The following NES variants were observed in gnomAD, a reference collection of about 807,000 sequenced individuals.
NES encodes the protein nestin.
A neutral mutation model predicts 35.6 loss-of-function variants in NES; 27 were observed. The observed-to-expected ratio is 0.76, with a 90% CI of 0.56 to 1.04. NES has a LOEUF of 1.04. NES is among the 50% of genes least tolerant of loss of function. NES has a pLI of 0.00. For synonymous variants in NES, 822 were observed against 824.2 expected (o/e 1.00, Z 0.04); for missense variants, 1,867 against 1,983.6 (o/e 0.94, Z 1.12).
In NES at chr1:156,671,179, T is replaced by G; in HGVS notation, c.3009A>C (p.Thr1003=). 1 of 1,614,130 alleles carries G rather than the reference T, an allele frequency of 6.2e-7. No individual in the cohort carries two copies. The highest frequency in any genetic ancestry group is 8.5e-7 in the Non-Finnish European group (1 of 1,180,044). Residue 1003 remains threonine, a synonymous_variant, in exon 4 of 4, where the codon ACA becomes ACC. Transcript: ENST00000368223. ...CCTCGCCTGGGATCCAGACCTCCTC[T>G]GTGGCATTCAGCTCTCCCTGCTCTA... ...EVVEQGELNA[T]EEVWIPGEGH... is the part of the protein sequence containing the mutation.
chr1:156,673,128 T>C lies in NES; in HGVS notation c.1060A>G (p.Thr354Ala), dbSNP rs1402515647. 5 of 1,573,738 alleles carry C rather than the reference T, an allele frequency of 3.2e-6. No individual in the cohort carries two copies. In the South Asian group the frequency reaches 4.7e-5, roughly 15 times the overall value. ...LGSLLPVLSPTSLPSPLPATL... is the reference protein window; with the variant it reads ...LGSLLPVLSPASLPSPLPATL... ...GCAGGCAAGGGTGAGGGGAGGGAAGTTGGGCTCAGGACTGGGAGCAAAGAT... is the reference window on the plus strand; with the variant it reads ...GCAGGCAAGGGTGAGGGGAGGGAAGCTGGGCTCAGGACTGGGAGCAAAGAT... Residue 354 changes from threonine to alanine, a missense_variant, in exon 4 of 4, where the codon ACT (threonine) becomes GCT (alanine). Thr to Ala is a moderately conservative substitution (Grantham distance 58). Transcript: ENST00000368223.
rs761458668 is a variant in NES at position 156,670,068 on chromosome 1, T to C, written c.4120A>G (p.Thr1374Ala). 1.2e-6 allele frequency: 2 copies of C among 1,613,920 alleles called. No individual in the cohort carries two copies. Among genetic ancestry groups the C allele is most frequent in the Admixed American group, 3.3e-5 (2 of 60,014 alleles). ...DLSEEFEDLG[T>A]EAPFLPGVPG... ...ACCCCAGGAAGAAAAGGTGCCTCAGTCCCCAGGTCCTCAAATTCTTCTGAC... is the reference window on the plus strand; with the variant it reads ...ACCCCAGGAAGAAAAGGTGCCTCAGCCCCCAGGTCCTCAAATTCTTCTGAC... The change falls in exon 4 of 4, where the codon ACT (threonine) becomes GCT (alanine). Residue 1374 changes from threonine to alanine, a missense_variant. By Grantham distance (58) the Thr-to-Ala change is moderately conservative. Coordinates refer to ENST00000368223, the MANE Select transcript of NES (RefSeq NM_006617.2).
rs1679719992 is a variant in NES, at chr1:156,671,133, G to A, written c.3055C>T (p.Pro1019Ser). The part of the protein sequence containing the change: ...PGEGHPESPE[P>S]KEQRGLVEGA... Reference sequence around the variant, plus strand: ...TCAACCAGGCCTCTCTGCTCTTTGGGCTCAGGGCTCTCTGGGTGCCCCTCG... The same window carrying A: ...TCAACCAGGCCTCTCTGCTCTTTGGACTCAGGGCTCTCTGGGTGCCCCTCG... Residue 1019 changes from proline (P) to serine (S), a missense_variant, in exon 4 of 4, where the codon CCC becomes TCC. Physicochemically the swap from Pro to Ser is moderately conservative, Grantham distance 74. Coordinates refer to ENST00000368223, the MANE Select transcript of NES (RefSeq NM_006617.2). 6.2e-7 allele frequency: 1 copy of A among 1,614,018 alleles called. No homozygotes were observed.
chr1:156,672,242 G>T lies in NES; in HGVS notation c.1946C>A (p.Pro649Gln), dbSNP rs768171712. 1 of 1,596,806 alleles carries T rather than the reference G, an allele frequency of 6.3e-7. No individual in the cohort carries two copies. The highest frequency in any genetic ancestry group is 2.2e-5 in the East Asian group (1 of 44,754). The change falls in exon 4 of 4, where the codon CCA (proline) becomes CAA (glutamine). Residue 649 changes from proline to glutamine, a missense_variant. By Grantham distance (76) the Pro-to-Gln change is moderately conservative (BLOSUM62 -1). Coordinates refer to ENST00000368223, the MANE Select transcript of NES (RefSeq NM_006617.2). ...LEGNLETFLF[P>Q]GTENQELVSS... The stretch of plus-strand genomic sequence containing the variant: ...TACTAATTCTTGATTTTCCGTTCCT[G>T]GAAATAAAAATGTCTCTAGATTACC...
intron 1 of NES, among the ~76,000 whole-genome samples, chr1:156,675,581 C>A (rs1647253445): frequency 1.3e-5 from 2 of 152,186 alleles, no homozygotes; most frequent in African/African-American, 4.8e-5. Context: ...TGCTCCTCCT[C>A]TGAGGATGCT....
chr1:156,669,216 A>C lies in NES; in HGVS notation c.*106T>G. The C allele has an allele frequency of 1.6e-5, 12 of 741,532 alleles. No individual in the cohort carries two copies. Among genetic ancestry groups the C allele is most frequent in the Non-Finnish European group, 2.5e-5 (12 of 475,888 alleles). 45.9% of individuals were successfully genotyped at this position (741,532 alleles called of 1,614,324 possible). A position where few individuals can be genotyped will look rare whatever the true frequency, so the allele number is the denominator to read the frequency against. On this transcript the variant is annotated 3_prime_UTR_variant, in exon 4 of 4. Transcript: ENST00000368223. ...CCTCTCAGCCAGAAACCATATGTCA[A>C]GAGATCGTAAGTTAAGAGTGCTGCT...
chr1:156,669,601 C>T lies in NES; in HGVS notation c.4587G>A (p.Gly1529=), dbSNP rs1557997378. ...GGCCATTAACACCAATGATGTCTGC[C>T]CCTGGGCCTGCATCCTCCATCCCAC... ...IPSGMEDAGP[G]ADIIGVNGQG... The change falls in exon 4 of 4, where the codon GGG becomes GGA. Residue 1529 remains glycine, a synonymous_variant. Transcript: ENST00000368223. The T allele has an allele frequency of 1.2e-6, 2 of 1,614,104 alleles. No individual in the cohort carries two copies. The highest frequency in any genetic ancestry group is 1.7e-6 in the Non-Finnish European group (2 of 1,179,990).
Position 156,676,697 on chromosome 1 carries a change from C to T in NES, c.568G>A (p.Val190Met), listed in dbSNP as rs867935789. The T allele has an allele frequency of 1.4e-6, 2 of 1,461,086 alleles. No homozygotes were observed. Among genetic ancestry groups the T allele is most frequent in the Non-Finnish European group, 1.8e-6 (2 of 1,118,518 alleles). 90.5% of individuals were successfully genotyped at this position (1,461,086 alleles called of 1,614,324 possible). The change falls in exon 1 of 4, where the codon GTG becomes ATG. Residue 190 changes from valine to methionine, a missense_variant. By Grantham distance (21) the Val-to-Met change is conservative. Coordinates refer to ENST00000368223, the MANE Select transcript of NES (RefSeq NM_006617.2). This position sits in a 1 kb window ranked among gnomAD's most constrained non-coding sequence, Gnocchi z 5.3. Reference sequence around the variant, plus strand: ...GCCACGCGCTCCTGGTAGCCGCGCACTGCCCCGCGCCACGCCTCGCCCAGT... The same window carrying T: ...GCCACGCGCTCCTGGTAGCCGCGCATTGCCCCGCGCCACGCCTCGCCCAGT... ...RRLGEAWRGA[V>M]RGYQERVAHM... is the part of the protein sequence containing the mutation.
In NES at chr1:156,676,695, C is replaced by T; in HGVS notation, c.570G>A (p.Val190=). Residue 190 remains valine, a synonymous_variant, in exon 1 of 4, where the codon GTG becomes GTA. Coordinates refer to ENST00000368223, the MANE Select transcript of NES (RefSeq NM_006617.2). The surrounding 1 kb of genome is among the most constrained non-coding windows in gnomAD (Gnocchi z 5.3). ...GTGCCACGCGCTCCTGGTAGCCGCGCACTGCCCCGCGCCACGCCTCGCCCA... is the reference window on the plus strand; with the variant it reads ...GTGCCACGCGCTCCTGGTAGCCGCGTACTGCCCCGCGCCACGCCTCGCCCA... ...RRLGEAWRGA[V]RGYQERVAHM... 1 of 1,478,690 alleles carries T rather than the reference C, an allele frequency of 6.8e-7. No homozygotes were observed. Among genetic ancestry groups the T allele is most frequent in the Non-Finnish European group, 8.9e-7 (1 of 1,126,956 alleles). The allele number at this position is 1,478,690 out of a possible 1,614,324, so 91.6% of individuals were successfully genotyped here.
intron 1 of NES, among the ~76,000 whole-genome samples, chr1:156,675,912 C>T (rs1219082693): frequency 6.6e-6 from 1 of 152,162 alleles, no homozygotes; most frequent in Non-Finnish European, 1.5e-5. Context: ...TCTGTGTGGC[C>T]CAGGCAAGAA....
Position 156,669,534 on chromosome 1 carries a change from C to G in NES, c.4654G>C (p.Gly1552Arg). 2 of 1,612,452 alleles carry G rather than the reference C, an allele frequency of 1.2e-6. No homozygotes were observed. Among genetic ancestry groups the G allele is most frequent in the Non-Finnish European group, 8.5e-7 (1 of 1,178,804 alleles). ...GACTGCTCCAGCCCGTTCATCACTC[C>G]CCCATTCACATGCTGTGACTTCCCC... ...LEGKSQHVNG[G>R]VMNGLEQSEE... Residue 1552 changes from glycine to arginine, a missense_variant, in exon 4 of 4, where the codon GGA becomes CGA. By Grantham distance (125) the Gly-to-Arg change is moderately radical. Coordinates refer to ENST00000368223, the MANE Select transcript of NES (RefSeq NM_006617.2).
rs552218113 is a variant in NES, at chr1:156,671,592, C to T, written c.2596G>A (p.Glu866Lys). Residue 866 changes from glutamate to lysine, a missense_variant, in exon 4 of 4, where the codon GAA becomes AAA. Physicochemically the swap from Glu to Lys is moderately conservative, Grantham distance 56. Transcript: ENST00000368223. ...NQGAMNPLEK[E>K]IQEPLESVEV... ...ACAGACTCCAGTGGTTCTTGAATTT[C>T]CTTTTCTAGAGGATTCATTGCCCCC... is the stretch of plus-strand genomic sequence containing the variant. The T allele has an allele frequency of 1.9e-6, 3 of 1,613,930 alleles. No homozygotes were observed. Among genetic ancestry groups the T allele is most frequent in the South Asian group, 1.1e-5 (1 of 91,084 alleles).
rs1275652858 is a variant in NES at position 156,677,124 on chromosome 1, G to A, written c.141C>T (p.Ser47=). The change falls in exon 1 of 4, where the codon TCC becomes TCT. Residue 47 remains serine, a synonymous_variant. Transcript: ENST00000368223. The surrounding 1 kb of genome is among the most constrained non-coding windows in gnomAD (Gnocchi z 4.5). ...SAELGGLRAQ[S]ADTSWRAHAD... ...CATGCGCCCGCCAGGAGGTGTCCGC[G>A]GATTGTGCCCGGAGCCCCCCGAGCT... 2.5e-6 allele frequency: 4 copies of A among 1,607,840 alleles called. No homozygotes were observed. In the South Asian group the frequency reaches 4.4e-5, roughly 18 times the overall value.
At chr1:156,675,932 T>C (rs544953765) in intron 1 of NES, among the ~76,000 whole-genome samples, 1 of 152,342 alleles carries the variant, frequency 6.6e-6, no homozygotes, top group South Asian at 2.1e-4. Flanking sequence ...AGCTGTTTTC[T>C]CAGCTGCTGG....
In NES at chr1:156,673,471, G is replaced by T; in HGVS notation, c.965C>A (p.Thr322Asn). The change falls in exon 3 of 4, where the codon ACT (threonine) becomes AAT (asparagine). Residue 322 changes from threonine (T) to asparagine (N), a missense_variant. Physicochemically the swap from Thr to Asn is moderately conservative, Grantham distance 65. Coordinates refer to ENST00000368223, the MANE Select transcript of NES (RefSeq NM_006617.2). ...RLQTPGGGSK[T>N]SLSFQDPKLE... ...CCTCTTACCCTGAAAGCTGAGGGAAGTCTTGGAGCCACCGCCAGGTGTTTG... is the reference window on the plus strand; with the variant it reads ...CCTCTTACCCTGAAAGCTGAGGGAATTCTTGGAGCCACCGCCAGGTGTTTG... 6.2e-7 allele frequency: 1 copy of T among 1,613,194 alleles called. No homozygotes were observed. Among genetic ancestry groups the T allele is most frequent in the Non-Finnish European group, 8.5e-7 (1 of 1,179,376 alleles).
rs1285978301 is a variant in NES, at chr1:156,672,389, A to G, written c.1799T>C (p.Val600Ala). Residue 600 changes from valine (V) to alanine (A), a missense_variant, in exon 4 of 4, where the codon GTG (valine) becomes GCG (alanine). Coordinates refer to ENST00000368223, the MANE Select transcript of NES (RefSeq NM_006617.2). ...EKENKELLKD[V>A]EVVRPLEKEA... is the part of the protein sequence containing the mutation. ...TTTTTCTAGAGGTCTCACTACCTCC[A>G]CATCCTTTAATAGCTCTTTATTTTC... 6.2e-7 allele frequency: 1 copy of G among 1,613,050 alleles called. No individual in the cohort carries two copies. Among genetic ancestry groups the G allele is most frequent in the Non-Finnish European group, 8.5e-7 (1 of 1,179,850 alleles).
Position 156,671,384 on chromosome 1 carries a change from A to G in NES, c.2804T>C (p.Leu935Pro). ...KGEYQESLRS[L>P]EEEGQELPQS... The stretch of plus-strand genomic sequence containing the variant: ...CGGCAGCTCCTGTCCCTCCTCCTCC[A>G]GAGACCTCAGTGACTCTTGGTACTC... The change falls in exon 4 of 4, where the codon CTG (leucine) becomes CCG (proline). Residue 935 changes from leucine to proline, a missense_variant. Physicochemically the swap from Leu to Pro is moderately conservative, Grantham distance 98. Transcript: ENST00000368223. 1.2e-6 allele frequency: 2 copies of G among 1,613,978 alleles called. No individual in the cohort carries two copies. Among genetic ancestry groups the G allele is most frequent in the Non-Finnish European group, 1.7e-6 (2 of 1,180,016 alleles).
At position 156,669,587 on chromosome 1, in the gene NES, C is replaced by G. The variant is rs1362374648; in HGVS notation, c.4601G>C (p.Gly1534Ala). 2 of 1,613,996 alleles carry G rather than the reference C, an allele frequency of 1.2e-6. No homozygotes were observed. Among genetic ancestry groups the G allele is most frequent in the Admixed American group, 1.7e-5 (1 of 60,000 alleles). ...EDAGPGADII[G>A]VNGQGPNLEG... ...CAAGTTGGGACCCTGGCCATTAACA[C>G]CAATGATGTCTGCCCCTGGGCCTGC... Residue 1534 changes from glycine to alanine, a missense_variant, in exon 4 of 4, where the codon GGT (glycine) becomes GCT (alanine). Gly to Ala is a moderately conservative substitution (Grantham distance 60). Coordinates refer to ENST00000368223, the MANE Select transcript of NES (RefSeq NM_006617.2).
Position 156,672,479 on chromosome 1 carries a change from C to G in NES, c.1709G>C (p.Arg570Thr). ...AGACCTCGGACATTCTTGATTCTCC[C>G]TTTCTAGTGTCTCATGGCTCTGGTT... Reference protein sequence around the residue: ...LENQSHETLERENQECPRSLE... With the variant: ...LENQSHETLETENQECPRSLE... The change falls in exon 4 of 4, where the codon AGG becomes ACG. Residue 570 changes from arginine to threonine, a missense_variant. Physicochemically the swap from Arg to Thr is moderately conservative, Grantham distance 71. Transcript: ENST00000368223. 1 of 1,612,626 alleles carries G rather than the reference C, an allele frequency of 6.2e-7. No homozygotes were observed. The highest frequency in any genetic ancestry group is 8.5e-7 in the Non-Finnish European group (1 of 1,179,534).
Sources: gnomAD v4.1 joint callset for allele counts (sites outside exome capture counted in the v4.1 genomes callset) on GRCh38, gnomAD v4.1.1 for gene constraint, Gnocchi (gnomAD v3.1) non-coding constraint, MANE v1.5 for transcripts, NCBI Gene and HGNC (gene_info 2026-07-23, HGNC 2026-07-21) for gene names.